KCNQ3: variants seen among roughly 807,000 people sequenced by gnomAD.
The protein encoded by KCNQ3 is potassium voltage-gated channel subfamily KQT member 3.
A neutral mutation model predicts 92.5 loss-of-function variants in KCNQ3; 30 were observed. That is an observed-to-expected ratio of 0.32 (90% CI 0.24 to 0.44). The LOEUF is 0.44. Ranked by LOEUF, KCNQ3 falls within the 20% of genes least tolerant of loss-of-function variation. The pLI is 1.00. For missense variants in KCNQ3, 913 were observed against 1,140.3 expected (o/e 0.80, Z 2.87); for synonymous variants, 450 against 468.8 (o/e 0.96, Z 0.52).
At chr8:132,463,843 TC>T (rs1486287787) in intron 1 of KCNQ3, among the ~76,000 whole-genome samples, 1 of 152,224 alleles carries the variant, frequency 6.6e-6, no homozygotes, top group East Asian at 1.9e-4. Flanking sequence ...GATGGAGTTT[TC>T]CTCTGACGCC....
intron 1 of KCNQ3, among the ~76,000 whole-genome samples, chr8:132,244,920 C>CAAAA (rs35215337): frequency 2.7e-5 from 3 of 112,348 alleles, no homozygotes; most frequent in Admixed American, 9.3e-5. Context: ...CTCACTTGAC[C>CAAAA]AAAAAAAAAA....
At chr8:132,367,448 G>A (rs1819353141) in intron 1 of KCNQ3, among the ~76,000 whole-genome samples, 1 of 152,230 alleles carries the variant, frequency 6.6e-6, no homozygotes, top group Non-Finnish European at 1.5e-5. Context: ...CTGAGGGCAA[G>A]ATCTGGAAAA....
At position 132,180,299 on chromosome 8, in the gene KCNQ3, A is replaced by C. The variant is rs1323960958; in HGVS notation, c.635T>G (p.Val212Gly). 1 of 1,614,014 alleles carries C rather than the reference A, an allele frequency of 6.2e-7. No homozygotes were observed. The highest frequency in any genetic ancestry group is 8.5e-7 in the Non-Finnish European group (1 of 1,180,040). ...DIFVLIASVPVVAVGNQGNVL... is the reference protein window; with the variant it reads ...DIFVLIASVPGVAVGNQGNVL... The stretch of plus-strand genomic sequence containing the variant: ...ATTGCCTTGGTTTCCCACAGCAACC[A>C]CTGGCACAGAGGCAATCAGCACAAA... The change falls in exon 4 of 15, where the codon GTG becomes GGG. Residue 212 changes from valine to glycine, a missense_variant. Transcript: ENST00000388996.
At chr8:132,298,983 G>T (rs544511230) in intron 1 of KCNQ3, among the ~76,000 whole-genome samples, 18 of 152,066 alleles carry the variant, frequency 1.2e-4, no homozygotes, top group African/African-American at 4.3e-4. Flanking sequence ...TTTTCAGGTG[G>T]AAATACATTC....
intron 1 of KCNQ3, among the ~76,000 whole-genome samples, chr8:132,243,790 C>T (rs973135331): frequency 1.3e-4 from 20 of 152,300 alleles, no homozygotes; most frequent in Non-Finnish European, 2.4e-4. Context: ...CCCTTTATCC[C>T]TTCCTTTCAC....
intron 1 of KCNQ3, among the ~76,000 whole-genome samples, chr8:132,223,127 G>C (rs966410867): frequency 2.0e-5 from 3 of 152,052 alleles, no homozygotes; most frequent in South Asian, 2.1e-4. Flanking sequence ...ATAATACAGA[G>C]AATAATGACT....
chr8:132,271,684 A>C (rs1003015482), intron 1 of KCNQ3, among the ~76,000 whole-genome samples: 1 of 152,194 alleles, frequency 6.6e-6, no homozygotes, highest in Non-Finnish European at 1.5e-5. Flanking sequence ...ATGACAGTGA[A>C]AGTATTCTGT....
At chr8:132,352,102 G>T (rs1386552247) in intron 1 of KCNQ3, among the ~76,000 whole-genome samples, 1 of 152,154 alleles carries the variant, frequency 6.6e-6, no homozygotes, top group African/African-American at 2.4e-5. Flanking sequence ...CATTGTGAGG[G>T]TGGCACTGTT....
chr8:132,392,482 T>A (rs1820075148), intron 1 of KCNQ3, among the ~76,000 whole-genome samples: 1 of 152,080 alleles, frequency 6.6e-6, no homozygotes, highest in Non-Finnish European at 1.5e-5. Flanking sequence ...CACTGGTCCT[T>A]ACCTAGATGT....
At chr8:132,440,618 C>A (rs960041047) in intron 1 of KCNQ3, among the ~76,000 whole-genome samples, 1 of 152,156 alleles carries the variant, frequency 6.6e-6, no homozygotes, top group Non-Finnish European at 1.5e-5. Flanking sequence ...CCTTTCCCCA[C>A]GCCACGAAGA....
In KCNQ3 at chr8:132,174,044, T is replaced by C. The variant is rs139012286; in HGVS notation, c.1044+195A>G. Among the ~76,000 whole-genome samples, 2,179 of 152,228 alleles carry C rather than the reference T, an allele frequency of 0.014. 17 individuals are homozygous for C. Among genetic ancestry groups the C allele is most frequent in the Non-Finnish European group, 0.02 (1,390 of 68,008 alleles). On this transcript the variant is annotated intron_variant, in intron 6 of 14. Coordinates refer to ENST00000388996, the MANE Select transcript of KCNQ3 (RefSeq NM_004519.4). ...AAGGCAGCATTGAAAGAGGAGTTGA[T>C]GTGTGAAGAAATCTTTGGCAAAGGA...
chr8:132,438,521 G>C (rs1473753353), intron 1 of KCNQ3, among the ~76,000 whole-genome samples: 2 of 152,112 alleles, frequency 1.3e-5, no homozygotes, highest in East Asian at 3.9e-4. Context: ...TCAGAACCCA[G>C]AGGCCCTGGC....
intron 1 of KCNQ3, among the ~76,000 whole-genome samples, chr8:132,221,205 C>G (rs1301298253): frequency 6.6e-6 from 1 of 152,156 alleles, no homozygotes; most frequent in Non-Finnish European, 1.5e-5. Context: ...TTTTCTTAAT[C>G]CAGTCTACCA....
intron 1 of KCNQ3, among the ~76,000 whole-genome samples, chr8:132,416,862 T>A (rs117236806): frequency 0.021 from 3,227 of 152,198 alleles, 42 homozygotes; most frequent in Middle Eastern, 0.037. Flanking sequence ...GTGAAGGGTG[T>A]CCCTCTGAAC....
intron 1 of KCNQ3, among the ~76,000 whole-genome samples, chr8:132,223,130 T>A (rs977757687): frequency 1.4e-4 from 21 of 151,932 alleles, no homozygotes; most frequent in Admixed American, 9.8e-4. Context: ...ATACAGAGAA[T>A]AATGACTAAT....
intron 1 of KCNQ3, among the ~76,000 whole-genome samples, chr8:132,216,239 G>A (rs1814025339): frequency 6.6e-6 from 1 of 152,136 alleles, no homozygotes; most frequent in Non-Finnish European, 1.5e-5. Context: ...CACAACAACA[G>A]CAACAAAACA....
At chr8:132,233,183 G>A (rs1814695629) in intron 1 of KCNQ3, among the ~76,000 whole-genome samples, 1 of 152,190 alleles carries the variant, frequency 6.6e-6, no homozygotes, top group South Asian at 2.1e-4. Flanking sequence ...GCTGAGGTAA[G>A]AGTAGTCTAG....
intron 1 of KCNQ3, among the ~76,000 whole-genome samples, chr8:132,284,133 T>A (rs1376519174): frequency 6.6e-6 from 1 of 152,144 alleles, no homozygotes; most frequent in East Asian, 1.9e-4. Context: ...AATATACATA[T>A]GTAACTAACC....
chr8:132,239,088 A>G (rs940967252), intron 1 of KCNQ3, among the ~76,000 whole-genome samples: 4 of 152,166 alleles, frequency 2.6e-5, no homozygotes, highest in Admixed American at 2.6e-4. Context: ...TATTACCAAG[A>G]AATTCCTGGG....
Sources: allele counts gnomAD v4.1 joint callset (sites outside exome capture counted in the v4.1 genomes callset), GRCh38; gene constraint gnomAD v4.1.1; transcripts MANE v1.5; gene names NCBI Gene and HGNC (gene_info 2026-07-23, HGNC 2026-07-21).